The following ZNF385D variants were observed in gnomAD, a reference collection of about 807,000 sequenced individuals.
ZNF385D encodes zinc finger protein 659.
In ZNF385D, 15 loss-of-function variants were observed where a neutral mutation model predicts 35.8. That is an observed-to-expected ratio of 0.42 (90% CI 0.28 to 0.64). ZNF385D has a LOEUF of 0.64. Ranked by LOEUF, ZNF385D falls within the 30% of genes least tolerant of loss-of-function variation. The pLI is 0.23. For missense variants in ZNF385D, 474 were observed against 494.6 expected (o/e 0.96, Z 0.39); for synonymous variants, 212 against 186.8 (o/e 1.13, Z -1.10).
intron 3 of ZNF385D, among the ~76,000 whole-genome samples, chr3:21,949,506 C>T (rs909439566): frequency 2.7e-5 from 4 of 147,218 alleles, no homozygotes; most frequent in Non-Finnish European, 5.9e-5. Flanking sequence ...TTTCTGAGTT[C>T]GGCCTTCATC....
At chr3:21,757,439 G>A (rs921397935) in intron 3 of ZNF385D, among the ~76,000 whole-genome samples, 14 of 152,002 alleles carry the variant, frequency 9.2e-5, no homozygotes, top group African/African-American at 2.9e-4. Flanking sequence ...CACCACACCT[G>A]GCCTAAATTT....
At chr3:22,357,521 A>G (rs1215035105) in intron 2 of ZNF385D, among the ~76,000 whole-genome samples, 1 of 151,876 alleles carries the variant, frequency 6.6e-6, no homozygotes, top group African/African-American at 2.4e-5. Context: ...ACAGTATTTT[A>G]TTTACATTTC....
chr3:21,878,155 C>T (rs1698080802), intron 3 of ZNF385D: 1 of 151,936 alleles, frequency 6.6e-6, no homozygotes, highest in Non-Finnish European at 1.5e-5. Context: ...CTCTAGGCAA[C>T]TTCCTGAGGA....
At chr3:22,101,596 G>A (rs973939598) in intron 3 of ZNF385D, among the ~76,000 whole-genome samples, 3 of 151,952 alleles carry the variant, frequency 2.0e-5, no homozygotes, top group East Asian at 1.9e-4. Context: ...TAAGACTTGG[G>A]ACAGCAAAAT....
chr3:21,987,114 C>G (rs1227285006), intron 3 of ZNF385D, among the ~76,000 whole-genome samples: 1 of 123,780 alleles, frequency 8.1e-6, no homozygotes, highest in Admixed American at 8.0e-5. Context: ...GGTCTTGACT[C>G]TTTATCCAAC....
chr3:22,315,060 G>A (rs1703810361), intron 2 of ZNF385D, among the ~76,000 whole-genome samples: 1 of 152,034 alleles, frequency 6.6e-6, no homozygotes, highest in Non-Finnish European at 1.5e-5. Context: ...ATGACTAGAG[G>A]CACAAAACCC....
chr3:22,092,731 A>G (rs1701397554), intron 3 of ZNF385D, among the ~76,000 whole-genome samples: 1 of 152,024 alleles, frequency 6.6e-6, no homozygotes, highest in Non-Finnish European at 1.5e-5. Flanking sequence ...ATAATTTTTG[A>G]TATTAAGATT....
intron 3 of ZNF385D, among the ~76,000 whole-genome samples, chr3:21,965,711 C>G (rs976870120): frequency 6.6e-6 from 1 of 152,168 alleles, no homozygotes; most frequent in Admixed American, 6.5e-5. Flanking sequence ...GTTATATCAA[C>G]ATTAAATTTC....
intron 2 of ZNF385D, among the ~76,000 whole-genome samples, chr3:22,331,027 T>TA (rs1228931508): frequency 6.6e-6 from 1 of 152,218 alleles, no homozygotes; most frequent in Non-Finnish European, 1.5e-5. Context: ...TGTGTACATA[T>TA]ATATGCACAT....
At chr3:22,301,557 T>C (rs1365882660) in intron 2 of ZNF385D, among the ~76,000 whole-genome samples, 1 of 152,082 alleles carries the variant, frequency 6.6e-6, no homozygotes, top group Admixed American at 6.6e-5. Flanking sequence ...AATTAAAATA[T>C]ATTTTTTAAA....
intron 3 of ZNF385D, among the ~76,000 whole-genome samples, chr3:21,999,918 A>T (rs1695729763): frequency 2.6e-5 from 4 of 152,174 alleles, no homozygotes; most frequent in Admixed American, 2.0e-4. Flanking sequence ...AAACTATTTT[A>T]AAAAATAATA....
At chr3:21,966,334 A>T (rs927929119) in intron 3 of ZNF385D, among the ~76,000 whole-genome samples, 6 of 152,212 alleles carry the variant, frequency 3.9e-5, no homozygotes, top group Non-Finnish European at 8.8e-5. Flanking sequence ...AAGCATGTAG[A>T]CATTTTAAAG....
rs559749731 is a variant in ZNF385D at position 22,179,396 on chromosome 3, T to C, written c.107-10361A>G. Among the ~76,000 whole-genome samples the C allele has an allele frequency of 2.4e-4, 36 of 152,392 alleles. No individual in the cohort carries two copies. In the South Asian group the frequency reaches 5.8e-3, roughly 25 times the overall value. ...ATTTGGCTCTCTTGTGTGTCTGTTATTGGTGTATAAGAATGCTTATGATTT... is the reference window on the plus strand; with the variant it reads ...ATTTGGCTCTCTTGTGTGTCTGTTACTGGTGTATAAGAATGCTTATGATTT... On this transcript the variant is annotated intron_variant, in intron 2 of 5. Coordinates refer to the ZNF385D transcript ENST00000494108.
intron 3 of ZNF385D, among the ~76,000 whole-genome samples, chr3:21,835,746 C>A (rs1458577447): frequency 6.6e-6 from 1 of 152,006 alleles, no homozygotes; most frequent in African/African-American, 2.4e-5. Flanking sequence ...TACATTCCTC[C>A]ATTTCATAAC....
intron 2 of ZNF385D, among the ~76,000 whole-genome samples, chr3:21,593,365 G>A (rs143818966): frequency 2.0e-5 from 3 of 151,608 alleles, no homozygotes; most frequent in African/African-American, 7.3e-5. Context: ...TTTTCTTTCC[G>A]TCTTTACCCT....
chr3:22,044,210 A>T (rs115316891), intron 3 of ZNF385D, among the ~76,000 whole-genome samples: 1 of 152,108 alleles, frequency 6.6e-6, no homozygotes, highest in African/African-American at 2.4e-5. Flanking sequence ...GGCACCAGTG[A>T]GGGGTGATGG....
intron 2 of ZNF385D, among the ~76,000 whole-genome samples, chr3:22,258,716 A>C (rs116779747): frequency 0.026 from 3,954 of 151,884 alleles, 180 homozygotes; most frequent in African/African-American, 0.089. Context: ...CACATCAGAA[A>C]TGAAAACTCA....
chr3:21,980,142 G>C (rs1215228900), intron 3 of ZNF385D, among the ~76,000 whole-genome samples: 1 of 152,040 alleles, frequency 6.6e-6, no homozygotes, highest in East Asian at 1.9e-4. Context: ...AGGCTCTTGG[G>C]GCAAGGAACT....
At chr3:22,160,597 A>G (rs1705881981) in intron 3 of ZNF385D, among the ~76,000 whole-genome samples, 1 of 152,132 alleles carries the variant, frequency 6.6e-6, no homozygotes, top group African/African-American at 2.4e-5. Flanking sequence ...AGAACTAGAA[A>G]TTAAAATTCT....
Sources: allele counts gnomAD v4.1 joint callset (sites outside exome capture counted in the v4.1 genomes callset), GRCh38; gene constraint gnomAD v4.1.1; transcripts MANE v1.5; gene names NCBI Gene and HGNC (gene_info 2026-07-23, HGNC 2026-07-21).